The following PCSK6 variants were observed in gnomAD, a reference collection of about 807,000 sequenced individuals.
PCSK6 encodes paired basic amino acid cleaving enzyme 4.
PCSK6 carries 85 observed loss-of-function variants against 123.3 expected under a neutral mutation model. The ratio of observed to expected loss-of-function variants is 0.69; its 90% CI spans 0.58 to 0.83. The LOEUF (loss-of-function observed/expected upper bound fraction) is 0.83, where lower values mean the gene tolerates loss of function less well. Ranked by LOEUF, PCSK6 falls within the 40% of genes least tolerant of loss-of-function variation. The probability of loss-of-function intolerance (pLI) is 0.00; values close to 1 mark genes in which losing one functional copy is unlikely to be tolerated. For synonymous variants in PCSK6, 508 were observed against 516.0 expected, an observed-to-expected ratio of 0.98 and a Z score of 0.21; for missense variants, 1,191 against 1,282.3, an observed-to-expected ratio of 0.93 and a Z score of 1.09.
rs1336474568 is a variant in PCSK6, at chr15:101,398,515, T to A, written c.885A>T (p.Arg295Ser). Residue 295 changes from arginine (R) to serine (S), a missense_variant, in exon 7 of 22, where the codon AGA (arginine) becomes AGT (serine). Arg to Ser is a moderately radical substitution (Grantham distance 110, BLOSUM62 -1). Transcript: ENST00000611716. This position sits in a 1 kb window ranked among gnomAD's most constrained non-coding sequence, Gnocchi z 4.6. Reference protein sequence around the residue: ...DVVEAKSLGIRPNYIDIYSAS... With the variant: ...DVVEAKSLGISPNYIDIYSAS... ...CACTGTAAATGTCGATGTAGTTGGG[T>A]CTGATGCCCAGCGACTTTGCCTCGA... is the stretch of plus-strand genomic sequence containing the variant. The A allele has an allele frequency of 6.2e-7, 1 of 1,613,770 alleles. No homozygotes were observed. The highest frequency in any genetic ancestry group is 8.5e-7 in the Non-Finnish European group (1 of 1,179,838).
At chr15:101,407,769 A>G (rs984862836) in intron 6 of PCSK6, among the ~76,000 whole-genome samples, 19 of 152,162 alleles carry the variant, frequency 1.2e-4, no homozygotes, top group Non-Finnish European at 2.5e-4. Context: ...GTGGCCCCAC[A>G]TACGGTACTG....
intron 13 of PCSK6, among the ~76,000 whole-genome samples, chr15:101,348,078 C>A (rs1452759534): frequency 6.6e-6 from 1 of 152,244 alleles, no homozygotes; most frequent in Non-Finnish European, 1.5e-5. Flanking sequence ...CCCCTCCAGG[C>A]AGCCAGATGC....
At chr15:101,476,544 G>C (rs1467139980) in intron 1 of PCSK6, among the ~76,000 whole-genome samples, 1 of 148,370 alleles carries the variant, frequency 6.7e-6, no homozygotes, top group Non-Finnish European at 1.5e-5. Flanking sequence ...AACATGTTTA[G>C]TGTGATTCCA....
intron 1 of PCSK6, among the ~76,000 whole-genome samples, chr15:101,452,261 G>C (rs1010035142): frequency 6.6e-6 from 1 of 152,174 alleles, no homozygotes; most frequent in African/African-American, 2.4e-5. Context: ...CTTCGGATGA[G>C]AACGTTTAAT....
chr15:101,430,407 T>G (rs2056411017), intron 4 of PCSK6, among the ~76,000 whole-genome samples: 1 of 152,184 alleles, frequency 6.6e-6, no homozygotes, highest in Non-Finnish European at 1.5e-5. Flanking sequence ...TCCACCTTTT[T>G]GTCTAAGAGT....
At chr15:101,317,990 A>T (rs1324957598) in intron 19 of PCSK6, among the ~76,000 whole-genome samples, 1 of 152,208 alleles carries the variant, frequency 6.6e-6, no homozygotes, top group African/African-American at 2.4e-5. Context: ...GAGCCACTGC[A>T]ATGTACATAA....
chr15:101,416,641 C>A (rs980219319), intron 6 of PCSK6, among the ~76,000 whole-genome samples: 1 of 152,386 alleles, frequency 6.6e-6, no homozygotes, highest in Middle Eastern at 3.4e-3. Flanking sequence ...AAAGTGGTTT[C>A]ATGGGCCACG....
chr15:101,471,009 C>G (rs993363752), intron 1 of PCSK6, among the ~76,000 whole-genome samples: 1 of 152,156 alleles, frequency 6.6e-6, no homozygotes, highest in South Asian at 2.1e-4. Context: ...GGGGTGTCTG[C>G]GGCTTATCTC....
chr15:101,320,559 G>A lies in PCSK6; in HGVS notation c.2465+1961C>T, dbSNP rs1009613072. Among the ~76,000 whole-genome samples, 5 of 152,156 alleles carry A rather than the reference G, an allele frequency of 3.3e-5. No homozygotes were observed. In the South Asian group the frequency reaches 6.2e-4, roughly 19 times the overall value. ...TTACACCTGCATTTAGCAGGAAGAC[G>A]TCTGTATGTTGGCAAGCTCCTCTGC... On this transcript the variant is annotated intron_variant, in intron 18 of 21. Coordinates refer to ENST00000611716, the MANE Select transcript of PCSK6 (RefSeq NM_002570.5).
chr15:101,473,223 C>T (rs2057649165), intron 1 of PCSK6, among the ~76,000 whole-genome samples: 1 of 152,016 alleles, frequency 6.6e-6, no homozygotes, highest in Non-Finnish European at 1.5e-5. Context: ...ACTATAGGCA[C>T]ATGCCACCAT....
chr15:101,326,433 A>G lies in PCSK6; in HGVS notation c.2124T>C (p.Asn708=), dbSNP rs1192062736. Reference sequence around the variant, plus strand: ...GGACGCAGTTCAAGCACTGGTCTGCATTGGGGCCATCACAGCCTTTGTCAC... The same window carrying G: ...GGACGCAGTTCAAGCACTGGTCTGCGTTGGGGCCATCACAGCCTTTGTCAC... ...ECGDKGCDGP[N]ADQCLNCVHF... The change falls in exon 16 of 22, where the codon AAT becomes AAC. Residue 708 remains asparagine, a synonymous_variant. Transcript: ENST00000611716. The G allele has an allele frequency of 4.4e-6, 7 of 1,586,664 alleles. No individual in the cohort carries two copies. The highest frequency in any genetic ancestry group is 6.0e-6 in the Non-Finnish European group (7 of 1,166,200).
chr15:101,311,540 C>T (rs1179926898), intron 20 of PCSK6, among the ~76,000 whole-genome samples: 1 of 152,052 alleles, frequency 6.6e-6, no homozygotes, highest in Non-Finnish European at 1.5e-5. Context: ...ATGAAGCCTA[C>T]AGAACTGTGA....
At chr15:101,415,049 A>T (rs1319461360) in intron 6 of PCSK6, among the ~76,000 whole-genome samples, 1 of 152,236 alleles carries the variant, frequency 6.6e-6, no homozygotes, top group Non-Finnish European at 1.5e-5. Flanking sequence ...TGAGATAGAG[A>T]GGATTTTATA....
chr15:101,489,300 T>G (rs2058103638), intron 1 of PCSK6, 74 bp downstream of exon 1: 1 of 959,240 alleles, frequency 1.0e-6, no homozygotes, highest in Non-Finnish European at 1.3e-6. Context: ...CGGACAGGAC[T>G]GCGGAGGCGC....
At position 101,326,429 on chromosome 15, in the gene PCSK6, C is replaced by T; in HGVS notation, c.2128G>A (p.Asp710Asn). 1 of 1,586,790 alleles carries T rather than the reference C, an allele frequency of 6.3e-7. No homozygotes were observed. Among genetic ancestry groups the T allele is most frequent in the Non-Finnish European group, 8.6e-7 (1 of 1,166,308 alleles). The change falls in exon 16 of 22, where the codon GAC becomes AAC. Residue 710 changes from aspartate to asparagine, a missense_variant. Coordinates refer to ENST00000611716, the MANE Select transcript of PCSK6 (RefSeq NM_002570.5). Reference protein sequence around the residue: ...GDKGCDGPNADQCLNCVHFSL... With the variant: ...GDKGCDGPNANQCLNCVHFSL... ...AAGTGGACGCAGTTCAAGCACTGGT[C>T]TGCATTGGGGCCATCACAGCCTTTG...
At chr15:101,349,248 T>C (rs537239692) in intron 13 of PCSK6, among the ~76,000 whole-genome samples, 3 of 152,194 alleles carry the variant, frequency 2.0e-5, no homozygotes, top group Non-Finnish European at 4.4e-5. Context: ...TCCTGGCAGT[T>C]TCAACACAAA....
intron 11 of PCSK6, among the ~76,000 whole-genome samples, chr15:101,373,426 G>T (rs150776878): frequency 6.6e-6 from 1 of 152,314 alleles, no homozygotes; most frequent in East Asian, 1.9e-4. Context: ...CCTCATTCCT[G>T]TAAGTTCTGG....
chr15:101,322,497 C>G, intron 18 of PCSK6, 23 bp downstream of exon 18: 2 of 1,522,946 alleles, frequency 1.3e-6, no homozygotes. Context: ...CCTGACATTC[C>G]TCAGGTTTCG....
intron 1 of PCSK6, among the ~76,000 whole-genome samples, chr15:101,466,308 C>A (rs1031995388): frequency 6.6e-6 from 1 of 152,166 alleles, no homozygotes; most frequent in African/African-American, 2.4e-5. Flanking sequence ...AAGGGAAATG[C>A]AAACCACTCC....
Sources: allele counts gnomAD v4.1 joint callset (sites outside exome capture counted in the v4.1 genomes callset), GRCh38; gene constraint gnomAD v4.1.1; non-coding constraint Gnocchi (gnomAD v3.1); transcripts MANE v1.5; gene names NCBI Gene and HGNC (gene_info 2026-07-23, HGNC 2026-07-21).